CSGALNACT1: variants seen among roughly 807,000 people sequenced by gnomAD.
CSGALNACT1 encodes the protein chondroitin sulfate N-acetylgalactosaminyltransferase 1, also known as beta4GalNAcT-1.
In CSGALNACT1, 52 loss-of-function variants were observed where a neutral mutation model predicts 51.0. The observed-to-expected ratio is 1.02, with a 90% CI of 0.82 to 1.29. The LOEUF (loss-of-function observed/expected upper bound fraction) is 1.29. Ranked by LOEUF, CSGALNACT1 falls within the 50% of genes most tolerant of loss-of-function variation. The pLI is 0.00. For synonymous variants in CSGALNACT1, 341 were observed against 254.4 expected, an observed-to-expected ratio of 1.34 and a Z score of -3.24; for missense variants, 935 against 679.2, an observed-to-expected ratio of 1.38 and a Z score of -4.19.
intron 1 of CSGALNACT1, among the ~76,000 whole-genome samples, chr8:19,708,966 T>C (rs564958233): frequency 6.7e-4 from 102 of 152,326 alleles, no homozygotes; most frequent in African/African-American, 2.4e-3. Context: ...TCACCATCTG[T>C]ATGATCATCC....
At chr8:19,458,558 A>C (rs1475600554) in exon 5 of CSGALNACT1, 2 of 1,614,196 alleles carry the variant, frequency 1.2e-6, no homozygotes, top group Non-Finnish European at 1.7e-6. Flanking sequence ...TCGAAATAAG[A>C]TGAGCCGTTT....
chr8:19,484,236 C>T (rs571253580), intron 4 of CSGALNACT1, among the ~76,000 whole-genome samples: 2 of 149,352 alleles, frequency 1.3e-5, no homozygotes, highest in East Asian at 3.9e-4. Flanking sequence ...AGAGCTTCCT[C>T]TAAGTAAAAA....
At chr8:19,672,179 C>T (rs931572094) in intron 1 of CSGALNACT1, among the ~76,000 whole-genome samples, 1 of 152,148 alleles carries the variant, frequency 6.6e-6, no homozygotes, top group African/African-American at 2.4e-5. Flanking sequence ...CCACACATGG[C>T]AATTTTTTCC....
intron 1 of CSGALNACT1, among the ~76,000 whole-genome samples, chr8:19,742,458 C>G (rs1400307517): frequency 6.6e-6 from 1 of 152,224 alleles, no homozygotes; most frequent in Non-Finnish European, 1.5e-5. Context: ...CCCTTGCAGG[C>G]TGAATATGCA....
intron 1 of CSGALNACT1, among the ~76,000 whole-genome samples, chr8:19,726,874 G>A (rs925177857): frequency 3.9e-5 from 6 of 152,218 alleles, no homozygotes; most frequent in Admixed American, 6.5e-5. Flanking sequence ...TGAGAGCTCA[G>A]AGGACTGAAA....
intron 8 of CSGALNACT1, among the ~76,000 whole-genome samples, chr8:19,410,682 A>T (rs1360026226): frequency 1.3e-5 from 2 of 152,238 alleles, no homozygotes; most frequent in Admixed American, 1.3e-4. Context: ...ACATGGGAAC[A>T]GCGTGATGGA....
chr8:19,469,988 A>C (rs2067738988), intron 4 of CSGALNACT1, among the ~76,000 whole-genome samples: 1 of 152,226 alleles, frequency 6.6e-6, no homozygotes, highest in Admixed American at 6.5e-5. Context: ...AATAGGGTAG[A>C]AATCAGAGGA....
At chr8:19,648,240 A>T (rs748917865) in intron 1 of CSGALNACT1, among the ~76,000 whole-genome samples, 1 of 152,226 alleles carries the variant, frequency 6.6e-6, no homozygotes, top group Non-Finnish European at 1.5e-5. Context: ...ATCTAGCAAC[A>T]TTAATCAAAT....
At chr8:19,676,734 G>C (rs1246858137) in intron 1 of CSGALNACT1, among the ~76,000 whole-genome samples, 1 of 152,210 alleles carries the variant, frequency 6.6e-6, no homozygotes, top group East Asian at 1.9e-4. Flanking sequence ...AGCCGCACAA[G>C]CATTGTCCAC....
At chr8:19,645,487 G>C (rs1308614496) in intron 1 of CSGALNACT1, among the ~76,000 whole-genome samples, 3 of 152,234 alleles carry the variant, frequency 2.0e-5, no homozygotes, top group Admixed American at 6.5e-5. Flanking sequence ...CTTACAAGCT[G>C]TGTGCTCCTT....
chr8:19,681,346 A>G (rs1240518594), intron 1 of CSGALNACT1, among the ~76,000 whole-genome samples: 1 of 152,220 alleles, frequency 6.6e-6, no homozygotes, highest in Non-Finnish European at 1.5e-5. Flanking sequence ...CAGCAGATCC[A>G]TAAATGCAGC....
upstream of CSGALNACT1, among the ~76,000 whole-genome samples, chr8:19,605,161 CA>C (rs1447102326): frequency 3.9e-5 from 6 of 152,200 alleles, no homozygotes; most frequent in Non-Finnish European, 7.3e-5. Flanking sequence ...AAAGCGACTG[CA>C]GTTAGAATAG....
chr8:19,466,854 C>G (rs1303926583), intron 4 of CSGALNACT1, among the ~76,000 whole-genome samples: 1 of 152,212 alleles, frequency 6.6e-6, no homozygotes, highest in Non-Finnish European at 1.5e-5. Flanking sequence ...TGGACTTGTC[C>G]TCACTGGTTT....
In CSGALNACT1 at chr8:19,612,946, G is replaced by GAAAAAAAAAAAAAAAAAAAAAAAA. The variant is rs1165754811; in HGVS notation, c.-543-11105_-543-11082dup. On this transcript the variant is annotated intron_variant, in intron 1 of 9. Coordinates refer to the CSGALNACT1 transcript ENST00000332246. Reference sequence around the variant, plus strand: ...CAAAAGAAGAGAGGAAAAGCAGCTGGAAAAAAAAAAAAAAAAAAAAAAAAA... The same window carrying GAAAAAAAAAAAAAAAAAAAAAAAA: ...CAAAAGAAGAGAGGAAAAGCAGCTGGAAAAAAAAAAAAAAAAAAAAAAAAAAAAAAAAAAAAAAAAAAAAAAAAA... Among the ~76,000 whole-genome samples, 6 of 15,446 alleles carry GAAAAAAAAAAAAAAAAAAAAAAAA rather than the reference G, an allele frequency of 3.9e-4. 2 individuals are homozygous for GAAAAAAAAAAAAAAAAAAAAAAAA. The highest frequency in any genetic ancestry group is 4.2e-4 in the African/African-American group (3 of 7,162). 10.1% of individuals were successfully genotyped at this position (15,446 alleles called of 152,430 possible).
chr8:19,643,144 A>G (rs2056911850), intron 1 of CSGALNACT1, among the ~76,000 whole-genome samples: 1 of 152,126 alleles, frequency 6.6e-6, no homozygotes, highest in South Asian at 2.1e-4. Flanking sequence ...GTTATATAGT[A>G]TATTATGAAC....
chr8:19,621,696 T>A (rs1233686235), intron 1 of CSGALNACT1, among the ~76,000 whole-genome samples: 1 of 151,790 alleles, frequency 6.6e-6, no homozygotes, highest in East Asian at 1.9e-4. Flanking sequence ...CAGGAGGATC[T>A]CCTAAGACCA....
intron 3 of CSGALNACT1, among the ~76,000 whole-genome samples, chr8:19,547,192 A>G (rs1463762819): frequency 6.6e-6 from 1 of 152,204 alleles, no homozygotes; most frequent in Non-Finnish European, 1.5e-5. Flanking sequence ...GTGTTTTGTT[A>G]AAAGTCTGCT....
At chr8:19,573,837 G>T (rs1330777309) in intron 3 of CSGALNACT1, among the ~76,000 whole-genome samples, 1 of 152,148 alleles carries the variant, frequency 6.6e-6, no homozygotes, top group Non-Finnish European at 1.5e-5. Context: ...AGGTGCTGGG[G>T]ATAAAGCAGG....
At chr8:19,507,528 GAAAAAAAA>G (rs35759799) in intron 3 of CSGALNACT1, among the ~76,000 whole-genome samples, 2 of 74,890 alleles carry the variant, frequency 2.7e-5, no homozygotes, top group African/African-American at 5.6e-5. Flanking sequence ...ATCTTAGCCA[GAAAAAAAA>G]AAAAAAAAAA....
Sources: gnomAD v4.1 joint callset for allele counts (sites outside exome capture counted in the v4.1 genomes callset) on GRCh38, gnomAD v4.1.1 for gene constraint, MANE v1.5 for transcripts, NCBI Gene and HGNC (gene_info 2026-07-23, HGNC 2026-07-21) for gene names.